LHFPL3: variants seen among roughly 807,000 people sequenced by gnomAD.
LHFPL3 encodes the protein LHFPL tetraspan subfamily member 3 protein.
A neutral mutation model predicts 19.3 loss-of-function variants in LHFPL3; 5 were observed. That is an observed-to-expected ratio of 0.26 (90% CI 0.14 to 0.54). The LOEUF is 0.54. Among genes scored for constraint, LHFPL3 ranks in the 20% least tolerant of loss-of-function variants. The pLI is 0.94. For missense variants in LHFPL3, 249 were observed against 307.4 expected (o/e 0.81, Z 1.42); for synonymous variants, 133 against 126.2 (o/e 1.05, Z -0.36).
At chr7:104,578,975 G>A (rs1386677874) in intron 1 of LHFPL3, among the ~76,000 whole-genome samples, 1 of 152,192 alleles carries the variant, frequency 6.6e-6, no homozygotes, top group Non-Finnish European at 1.5e-5. Flanking sequence ...ATCTGGCCAA[G>A]TGTTTGAAGA....
At chr7:104,517,896 T>G (rs1012858288) in intron 1 of LHFPL3, among the ~76,000 whole-genome samples, 20 of 152,008 alleles carry the variant, frequency 1.3e-4, no homozygotes, top group Non-Finnish European at 2.9e-5. Flanking sequence ...GGGATAACAT[T>G]AGGAGAAATA....
At chr7:104,886,804 G>T (rs1397907139) in intron 2 of LHFPL3, among the ~76,000 whole-genome samples, 1 of 152,224 alleles carries the variant, frequency 6.6e-6, no homozygotes, top group Non-Finnish European at 1.5e-5. Context: ...TTAGGCAATA[G>T]GAAGCTTTTC....
intron 1 of LHFPL3, among the ~76,000 whole-genome samples, chr7:104,529,528 C>T (rs1308587526): frequency 6.6e-6 from 1 of 152,114 alleles, no homozygotes; most frequent in African/African-American, 2.4e-5. Flanking sequence ...GATGAAGGGT[C>T]CTCCATGAAG....
In LHFPL3 at chr7:104,752,504, T is replaced by A. The variant is rs543064598; in HGVS notation, c.682+15593T>A. On this transcript the variant is annotated intron_variant, in intron 2 of 2. Coordinates refer to ENST00000424859, the MANE Select transcript of LHFPL3 (RefSeq NM_199000.3). ...TAGTTCCTTACCAATTCTTTTCCAA[T>A]CTTTTAGATCTAAAGTTCCTTGTTC... is the stretch of plus-strand genomic sequence containing the variant. Among the ~76,000 whole-genome samples the A allele has an allele frequency of 6.2e-5, 9 of 146,114 alleles. No individual in the cohort carries two copies. The East Asian group carries it at 1.8e-3, about 29-fold the overall frequency.
At chr7:104,777,435 G>A (rs1175149235) in intron 2 of LHFPL3, among the ~76,000 whole-genome samples, 2 of 152,224 alleles carry the variant, frequency 1.3e-5, no homozygotes, top group Admixed American at 1.3e-4. Flanking sequence ...CACCAGCTCT[G>A]ACCCTGATGC....
At chr7:104,691,739 C>A (rs1381186671) in intron 1 of LHFPL3, among the ~76,000 whole-genome samples, 2 of 152,134 alleles carry the variant, frequency 1.3e-5, no homozygotes, top group African/African-American at 2.4e-5. Context: ...TATTTCTATC[C>A]CATGTGAGTG....
At chr7:104,403,724 A>T (rs1584296215) in intron 1 of LHFPL3, among the ~76,000 whole-genome samples, 1 of 128,360 alleles carries the variant, frequency 7.8e-6, no homozygotes, top group Non-Finnish European at 1.5e-5. Flanking sequence ...CTTAGTGAAC[A>T]TTCTCTCTCT....
rs1322888273 is a variant in LHFPL3 at position 104,558,947 on chromosome 7, C to T, written c.446-177728C>T. 2.0e-5 allele frequency among the ~76,000 whole-genome samples: 3 copies of T among 147,800 alleles called. No individual in the cohort carries two copies. The East Asian group carries it at 5.8e-4, about 29-fold the overall frequency. On this transcript the variant is annotated intron_variant, in intron 1 of 2. Coordinates refer to ENST00000424859, the MANE Select transcript of LHFPL3 (RefSeq NM_199000.3). ...TTTATTAAATAGGGAATCCTTTCCC[C>T]ATTGCTTGTTTTTGTCAGGTTTGTC...
intron 1 of LHFPL3, among the ~76,000 whole-genome samples, chr7:104,474,624 G>A (rs1792972105): frequency 7.1e-6 from 1 of 141,696 alleles, no homozygotes; most frequent in African/African-American, 2.7e-5. Context: ...CAGATATTGT[G>A]CCTCTGCACT....
chr7:104,487,962 T>C (rs1473666844), intron 1 of LHFPL3, among the ~76,000 whole-genome samples: 2 of 152,340 alleles, frequency 1.3e-5, no homozygotes, highest in East Asian at 3.9e-4. Context: ...GAGAGGCTCC[T>C]TCTTGTAAAT....
At chr7:104,674,091 T>C (rs1792539961) in intron 1 of LHFPL3, among the ~76,000 whole-genome samples, 1 of 23,290 alleles carries the variant, frequency 4.3e-5, no homozygotes, top group Non-Finnish European at 1.1e-4. Flanking sequence ...GCTGCATGAT[T>C]TTTTTTTTTT....
chr7:104,489,616 T>C (rs1045610187), intron 1 of LHFPL3, among the ~76,000 whole-genome samples: 1 of 151,602 alleles, frequency 6.6e-6, no homozygotes, highest in African/African-American at 2.4e-5. Flanking sequence ...CTGCAGCCCT[T>C]TCAGATCCCC....
chr7:104,711,828 T>C (rs2116216014), intron 1 of LHFPL3, among the ~76,000 whole-genome samples: 1 of 152,308 alleles, frequency 6.6e-6, no homozygotes, highest in Admixed American at 6.5e-5. Flanking sequence ...ATTTATTCCA[T>C]ATAATAAAGC....
intron 1 of LHFPL3, among the ~76,000 whole-genome samples, chr7:104,522,449 G>A (rs537330158): frequency 7.3e-5 from 11 of 151,188 alleles, no homozygotes; most frequent in East Asian, 5.9e-4. Flanking sequence ...TGACGAGTTA[G>A]TGGGTGCAGC....
At position 104,484,135 on chromosome 7, in the gene LHFPL3, C is replaced by G. The variant is rs192661093; in HGVS notation, c.445+154911C>G. 2.0e-5 allele frequency among the ~76,000 whole-genome samples: 3 copies of G among 152,254 alleles called. No individual in the cohort carries two copies. In the East Asian group the frequency reaches 5.8e-4, roughly 29 times the overall value. ...TGGAGACTTATTACAATTCTTATTTCCTTTCTTCATTAAGAAAACCCCTTT... is the reference window on the plus strand; with the variant it reads ...TGGAGACTTATTACAATTCTTATTTGCTTTCTTCATTAAGAAAACCCCTTT... On this transcript the variant is annotated intron_variant, in intron 1 of 2. Coordinates refer to ENST00000424859, the MANE Select transcript of LHFPL3 (RefSeq NM_199000.3).
chr7:104,477,415 A>T (rs1793042974), intron 1 of LHFPL3, among the ~76,000 whole-genome samples: 1 of 152,180 alleles, frequency 6.6e-6, no homozygotes, highest in Admixed American at 6.5e-5. Flanking sequence ...GAGCGACTCC[A>T]ATGTGGTCTC....
chr7:104,445,891 T>C (rs1792320589), intron 1 of LHFPL3, among the ~76,000 whole-genome samples: 1 of 152,212 alleles, frequency 6.6e-6, no homozygotes, highest in South Asian at 2.1e-4. Context: ...GCCATTTTCC[T>C]GTCCTTTGAT....
intron 1 of LHFPL3, among the ~76,000 whole-genome samples, chr7:104,733,737 G>A (rs1471834940): frequency 6.6e-6 from 1 of 152,124 alleles, no homozygotes; most frequent in African/African-American, 2.4e-5. Context: ...GACTAATATT[G>A]TTATGTGTGA....
At chr7:104,819,153 T>C (rs1790627187) in intron 2 of LHFPL3, among the ~76,000 whole-genome samples, 2 of 152,218 alleles carry the variant, frequency 1.3e-5, no homozygotes, top group South Asian at 2.1e-4. Flanking sequence ...AAATCTTCCA[T>C]CTTGATCCTG....
Sources: allele counts gnomAD v4.1 joint callset (sites outside exome capture counted in the v4.1 genomes callset), GRCh38; gene constraint gnomAD v4.1.1; transcripts MANE v1.5; gene names NCBI Gene and HGNC (gene_info 2026-07-23, HGNC 2026-07-21).